The following LRRC49 variants were observed in gnomAD, a reference collection of about 807,000 sequenced individuals.
LRRC49 encodes leucine rich repeat containing 49, also known as leucine-rich repeat-containing protein 49.
In LRRC49, 50 loss-of-function variants were observed where a neutral mutation model predicts 83.3. The observed-to-expected ratio is 0.60, with a 90% CI of 0.48 to 0.76. The LOEUF is 0.76. LRRC49 is among the 30% of genes least tolerant of loss of function. The pLI is 0.00. For synonymous variants in LRRC49, 286 were observed against 283.3 expected, an observed-to-expected ratio of 1.01 and a Z score of -0.10; for missense variants, 704 against 809.1, an observed-to-expected ratio of 0.87 and a Z score of 1.58.
chr15:70,967,815 A>G (rs1187468756), intron 9 of LRRC49, among the ~76,000 whole-genome samples: 2 of 152,118 alleles, frequency 1.3e-5, no homozygotes, highest in Non-Finnish European at 2.9e-5. Flanking sequence ...TTAGAAAAAC[A>G]GGTGGCTGAC....
chr15:71,011,800 T>C lies in LRRC49; in HGVS notation c.1594-1004T>C, dbSNP rs577814473. ...GGAAGGGAAGAGAGTTAGCCTGCAC[T>C]GATTCATAGGTATGTTTGTGAATTA... On this transcript the variant is annotated intron_variant, in intron 13 of 15. Coordinates refer to ENST00000260382, the MANE Select transcript of LRRC49 (RefSeq NM_017691.5). Among the ~76,000 whole-genome samples, 12 of 152,312 alleles carry C rather than the reference T, an allele frequency of 7.9e-5. No individual in the cohort carries two copies. In the East Asian group the frequency reaches 2.3e-3, roughly 29 times the overall value.
chr15:70,928,999 T>C (rs2035313281), intron 7 of LRRC49, among the ~76,000 whole-genome samples: 1 of 152,252 alleles, frequency 6.6e-6, no homozygotes. Flanking sequence ...TTTGTTTCTA[T>C]AATTTTCATC....
intron 14 of LRRC49, among the ~76,000 whole-genome samples, chr15:71,035,326 CATT>C (rs1461577825): frequency 6.6e-6 from 1 of 151,684 alleles, no homozygotes; most frequent in Non-Finnish European, 1.5e-5. Context: ...CAAATGTGAA[CATT>C]ATTATTGTTT....
At chr15:70,860,218 G>GA (rs2032755472) in intron 1 of LRRC49, 1 of 579,066 alleles carries the variant, frequency 1.7e-6, no homozygotes, top group Admixed American at 3.1e-5. Flanking sequence ...CAGGGCCCTG[G>GA]AGGAGGCCGC....
chr15:71,052,903 T>C lies in LRRC49; in HGVS notation c.*3291T>C, dbSNP rs182315885. ...CCACTTTCATGTTTTGTCATTATGCTGAGGAATAGCAAATAAAAGATGAGA... is the reference window on the plus strand; with the variant it reads ...CCACTTTCATGTTTTGTCATTATGCCGAGGAATAGCAAATAAAAGATGAGA... On this transcript the variant is annotated 3_prime_UTR_variant, in exon 16 of 16. Coordinates refer to ENST00000260382, the MANE Select transcript of LRRC49 (RefSeq NM_017691.5). The C allele has an allele frequency of 3.0e-4, 45 of 152,344 alleles. 1 individual carries two copies. Among genetic ancestry groups the C allele is most frequent in the African/African-American group, 1.0e-3 (43 of 41,590 alleles). The allele number at this position is 152,344 out of a possible 1,614,324, so 9.4% of individuals were successfully genotyped here. A position where few individuals can be genotyped will look rare whatever the true frequency, so the allele number is the denominator to read the frequency against.
At chr15:71,038,500 C>T (rs1345485425) in intron 15 of LRRC49, among the ~76,000 whole-genome samples, 1 of 152,094 alleles carries the variant, frequency 6.6e-6, no homozygotes, top group Non-Finnish European at 1.5e-5. Flanking sequence ...TTCCCCACCC[C>T]CAATCCTGAA....
chr15:70,995,509 A>C (rs747541053), intron 11 of LRRC49, among the ~76,000 whole-genome samples: 6 of 152,170 alleles, frequency 3.9e-5, no homozygotes, highest in Non-Finnish European at 7.3e-5. Flanking sequence ...TAGATATTGA[A>C]GTTACTGATG....
At chr15:71,023,092 C>T (rs1366391395) in intron 14 of LRRC49, among the ~76,000 whole-genome samples, 1 of 152,068 alleles carries the variant, frequency 6.6e-6, no homozygotes, top group Non-Finnish European at 1.5e-5. Flanking sequence ...TCTGAAACTA[C>T]CTTGAACTGA....
intron 1 of LRRC49, among the ~76,000 whole-genome samples, chr15:70,857,240 G>A (rs981904660): frequency 6.6e-6 from 1 of 152,176 alleles, no homozygotes; most frequent in African/African-American, 2.4e-5. Context: ...GTATATACAA[G>A]GGTGTTGTTT....
At chr15:71,003,906 T>C (rs1422734160) in intron 11 of LRRC49, among the ~76,000 whole-genome samples, 2 of 152,178 alleles carry the variant, frequency 1.3e-5, no homozygotes, top group Non-Finnish European at 2.9e-5. Context: ...ACTTTTGCAA[T>C]GGTCTCTTAC....
chr15:71,019,198 C>T (rs962131847), intron 14 of LRRC49, among the ~76,000 whole-genome samples: 1 of 152,138 alleles, frequency 6.6e-6, no homozygotes, highest in Non-Finnish European at 1.5e-5. Context: ...GCTCCTCTCC[C>T]CTCCCCAGAG....
At position 70,861,459 on chromosome 15, in the gene LRRC49, A is replaced by G. The variant is rs1290893929; in HGVS notation, c.-299+7990A>G. ...CTCCCTTCAGAAGAATAGCATTATC[A>G]GCATTATGAATGGAAGTCGGGTCAT... On this transcript the variant is annotated intron_variant, in intron 1 of 16. Transcript: ENST00000544974. Among the ~76,000 whole-genome samples the G allele has an allele frequency of 4.0e-5, 6 of 150,996 alleles. No individual in the cohort carries two copies. The East Asian group carries it at 1.2e-3, about 29-fold the overall frequency.
intron 15 of LRRC49, among the ~76,000 whole-genome samples, chr15:71,048,191 G>A (rs759163465): frequency 6.7e-6 from 1 of 148,706 alleles, no homozygotes; most frequent in African/African-American, 2.5e-5. Flanking sequence ...GGGCTCAAAC[G>A]ATTCTCCCAC....
chr15:70,905,783 C>T (rs1412998485), intron 5 of LRRC49, among the ~76,000 whole-genome samples: 1 of 152,110 alleles, frequency 6.6e-6, no homozygotes, highest in Non-Finnish European at 1.5e-5. Flanking sequence ...TGTCTTCATT[C>T]CCTTTTTTGG....
intron 14 of LRRC49, among the ~76,000 whole-genome samples, chr15:71,024,630 AT>A (rs1479867230): frequency 6.6e-6 from 1 of 152,178 alleles, no homozygotes; most frequent in Non-Finnish European, 1.5e-5. Flanking sequence ...TCGAAGATAA[AT>A]TAACTCACGA....
At chr15:71,047,182 G>A (rs2039877928) in intron 15 of LRRC49, among the ~76,000 whole-genome samples, 1 of 151,990 alleles carries the variant, frequency 6.6e-6, no homozygotes, top group African/African-American at 2.4e-5. Context: ...CTCTTTTTTG[G>A]TTCCATATGA....
At chr15:71,026,284 A>G (rs568543874) in intron 14 of LRRC49, among the ~76,000 whole-genome samples, 1 of 152,218 alleles carries the variant, frequency 6.6e-6, no homozygotes, top group South Asian at 2.1e-4. Context: ...TCCATGGTGT[A>G]TATGTGCCAC....
At position 70,873,363 on chromosome 15, in the gene LRRC49, G is replaced by C. The variant is rs560282335; in HGVS notation, c.18+140G>C. The C allele has an allele frequency of 4.4e-5, 41 of 942,264 alleles. No individual in the cohort carries two copies. The African/African-American group carries it at 5.0e-4, about 12-fold the overall frequency. The allele number at this position is 942,264 out of a possible 1,614,324, so 58.4% of individuals were successfully genotyped here. ...AATGAAAAACTGAGGGTCATGGTGA[G>C]GAGGGAACAGGAAAATAGTGATTGC... On this transcript the variant is annotated intron_variant, in intron 2 of 16. Coordinates refer to the LRRC49 transcript ENST00000544974.
At chr15:70,967,571 T>C (rs1323096036) in intron 9 of LRRC49, among the ~76,000 whole-genome samples, 1 of 152,100 alleles carries the variant, frequency 6.6e-6, no homozygotes, top group Admixed American at 6.6e-5. Flanking sequence ...AGCATAAAGA[T>C]TAATAAGATA....
Sources: gnomAD v4.1 joint callset for allele counts (sites outside exome capture counted in the v4.1 genomes callset) on GRCh38, gnomAD v4.1.1 for gene constraint, MANE v1.5 for transcripts, NCBI Gene and HGNC (gene_info 2026-07-23, HGNC 2026-07-21) for gene names.